The following ABCB5 variants were observed in gnomAD, a reference collection of about 807,000 sequenced individuals.
The protein encoded by ABCB5 is ATP-binding cassette sub-family B member 5.
A neutral mutation model predicts 144.2 loss-of-function variants in ABCB5; 155 were observed. The ratio of observed to expected loss-of-function variants is 1.08; its 90% CI spans 0.94 to 1.23. ABCB5 has a LOEUF of 1.23. Ranked by LOEUF, ABCB5 falls within the 50% of genes most tolerant of loss-of-function variation. The pLI is 0.00. For missense variants in ABCB5, 1,830 were observed against 1,520.8 expected (o/e 1.20, Z -3.38); for synonymous variants, 610 against 528.6 (o/e 1.15, Z -2.11).
Position 20,698,569 on chromosome 7 carries a change from C to T in ABCB5, c.2154+19C>T, listed in dbSNP as rs758294709. On this transcript the variant is annotated intron_variant, in intron 17 of 27. Coordinates refer to ENST00000404938, the MANE Select transcript of ABCB5 (RefSeq NM_001163941.2). ...TATAACCGTAAGTAAAATAAATTTG[C>T]TAATACTTTCAGCAATTTAAAGAAA... 1 of 1,573,586 alleles carries T rather than the reference C, an allele frequency of 6.4e-7. No homozygotes were observed. The highest frequency in any genetic ancestry group is 8.6e-7 in the Non-Finnish European group (1 of 1,162,696).
chr7:20,728,215 T>G, intron 22 of ABCB5, 100 bp from the exon 23 acceptor site: 1 of 1,377,788 alleles, frequency 7.3e-7, no homozygotes, highest in Non-Finnish European at 9.7e-7. Context: ...TCCACCAAAT[T>G]ATAACATTTC....
At chr7:20,754,969 G>T (rs139341457) in intron 27 of ABCB5, among the ~76,000 whole-genome samples, 2,206 of 148,488 alleles carry the variant, frequency 0.015, 42 homozygotes, top group Middle Eastern at 0.042. Context: ...TTTTTTTTGA[G>T]ACGGAGTTTC....
chr7:20,730,737 T>A (rs565632956), intron 23 of ABCB5, among the ~76,000 whole-genome samples: 1 of 152,292 alleles, frequency 6.6e-6, no homozygotes, highest in South Asian at 2.1e-4. Flanking sequence ...GAGCCAGTTT[T>A]TCCTTTGTTC....
intron 5 of ABCB5, among the ~76,000 whole-genome samples, chr7:20,638,856 T>C (rs745353561): frequency 6.6e-6 from 1 of 152,332 alleles, no homozygotes; most frequent in South Asian, 2.1e-4. Context: ...CATACGTTTT[T>C]ATTACTCTTG....
intron 7 of ABCB5, among the ~76,000 whole-genome samples, chr7:20,645,092 C>T (rs1254209015): frequency 6.6e-6 from 1 of 152,132 alleles, no homozygotes; most frequent in African/African-American, 2.4e-5. Flanking sequence ...AGGTGAAGGT[C>T]AGAGTTATCC....
intron 4 of ABCB5, among the ~76,000 whole-genome samples, chr7:20,629,529 A>G (rs1009652525): frequency 2.2e-4 from 33 of 152,260 alleles, no homozygotes; most frequent in African/African-American, 7.0e-4. Flanking sequence ...TGGGAGGCTG[A>G]GACCAGTGGA....
At chr7:20,748,642 CTCCA>C (rs1782808772) in intron 26 of ABCB5, among the ~76,000 whole-genome samples, 1 of 87,984 alleles carries the variant, frequency 1.1e-5, no homozygotes, top group African/African-American at 4.7e-5. Context: ...AAGAGTGAGA[CTCCA>C]TCTCAAAAAA....
chr7:20,723,753 CT>C (rs1427059698), intron 21 of ABCB5, among the ~76,000 whole-genome samples: 33 of 152,220 alleles, frequency 2.2e-4, no homozygotes, highest in Admixed American at 2.2e-3. Flanking sequence ...AGCAATTCTT[CT>C]GAATATTTTA....
At chr7:20,697,578 T>C (rs920530531) in intron 16 of ABCB5, among the ~76,000 whole-genome samples, 8 of 152,124 alleles carry the variant, frequency 5.3e-5, no homozygotes, top group Admixed American at 3.3e-4. Flanking sequence ...GACCACTACC[T>C]CCCCTTGTCA....
chr7:20,667,474 A>G (rs985344094), intron 14 of ABCB5: 2 of 984,006 alleles, frequency 2.0e-6, no homozygotes, highest in Non-Finnish European at 2.4e-6. Context: ...GTTTGACTTT[A>G]TATTCTGTCC....
At chr7:20,624,098 T>C (rs1006697244) in intron 2 of ABCB5, among the ~76,000 whole-genome samples, 1 of 152,214 alleles carries the variant, frequency 6.6e-6, no homozygotes, top group Non-Finnish European at 1.5e-5. Context: ...ATGTTCTCCT[T>C]TCTAAGCACC....
intron 2 of ABCB5, among the ~76,000 whole-genome samples, chr7:20,626,136 C>G (rs374717607): frequency 9.2e-5 from 14 of 152,042 alleles, no homozygotes; most frequent in African/African-American, 3.1e-4. Flanking sequence ...AAAATAGAAC[C>G]GCGGTTGCCA....
chr7:20,742,914 C>G lies in ABCB5; in HGVS notation c.3062C>G (p.Ser1021Cys). The G allele has an allele frequency of 6.2e-7, 1 of 1,614,224 alleles. No individual in the cohort carries two copies. The highest frequency in any genetic ancestry group is 8.5e-7 in the Non-Finnish European group (1 of 1,180,036). The change falls in exon 25 of 28, where the codon TCT becomes TGT. Residue 1021 changes from serine to cysteine, a missense_variant. Physicochemically the swap from Ser to Cys is moderately radical, Grantham distance 112. Coordinates refer to ENST00000404938, the MANE Select transcript of ABCB5 (RefSeq NM_001163941.2). ...CEGNLEFREV[S>C]FFYPCRPDVF... ...GGGAATTTAGAGTTTCGAGAAGTCT[C>G]TTTCTTCTATCCATGTCGCCCAGAT...
intron 9 of ABCB5, 50 bp from the exon 10 acceptor site, chr7:20,647,485 T>TTTC: frequency 6.6e-7 from 1 of 1,508,548 alleles, no homozygotes; most frequent in Non-Finnish European, 8.8e-7. Context: ...TTCTATTGTC[T>TTTC]TTCTTATATA....
intron 15 of ABCB5, 59 bp from the exon 16 acceptor site, chr7:20,685,637 A>C: frequency 1.4e-6 from 2 of 1,443,714 alleles, no homozygotes; most frequent in Non-Finnish European, 1.9e-6. Flanking sequence ...ATGCTTAATA[A>C]GTTTCCTTGA....
chr7:20,660,703 T>C (rs58976477), intron 14 of ABCB5, among the ~76,000 whole-genome samples: 16,254 of 152,196 alleles, frequency 0.11, 1,050 homozygotes, highest in South Asian at 0.19. Context: ...GACTCTGTTA[T>C]ATCATACAGC....
chr7:20,644,119 T>G (rs1047177658), intron 7 of ABCB5, among the ~76,000 whole-genome samples: 1 of 152,010 alleles, frequency 6.6e-6, no homozygotes, highest in Non-Finnish European at 1.5e-5. Context: ...AAGGTCTCAC[T>G]GTGTCACACA....
At chr7:20,630,664 T>A (rs1465285566) in intron 4 of ABCB5, among the ~76,000 whole-genome samples, 3 of 152,198 alleles carry the variant, frequency 2.0e-5, no homozygotes, top group Non-Finnish European at 2.9e-5. Flanking sequence ...TAAACATTTA[T>A]TGATTGTCTA....
chr7:20,631,281 A>AT (rs1271014402), intron 4 of ABCB5, among the ~76,000 whole-genome samples: 1 of 152,044 alleles, frequency 6.6e-6, no homozygotes, highest in Non-Finnish European at 1.5e-5. Flanking sequence ...GAATTTTGGT[A>AT]TTTTTTCCTA....
Sources: gnomAD v4.1 joint callset for allele counts (sites outside exome capture counted in the v4.1 genomes callset) on GRCh38, gnomAD v4.1.1 for gene constraint, MANE v1.5 for transcripts, NCBI Gene and HGNC (gene_info 2026-07-23, HGNC 2026-07-21) for gene names.